Variants in TCN1 observed in about 807,000 individuals in gnomAD.
TCN1 encodes the protein transcobalamin 1.
In TCN1, 47 loss-of-function variants were observed where a neutral mutation model predicts 46.3. The observed-to-expected ratio is 1.01, with a 90% CI of 0.80 to 1.29. TCN1 has a LOEUF of 1.29. TCN1 is among the 50% of genes most tolerant of loss of function. The pLI is 0.00. For missense variants in TCN1, 532 were observed against 511.0 expected (o/e 1.04, Z -0.40); for synonymous variants, 183 against 192.5 (o/e 0.95, Z 0.41).
intron 1 of TCN1, 144 bp from the exon 2 acceptor site, chr11:59,864,230 T>C (rs1853048463): frequency 1.1e-6 from 1 of 939,478 alleles, no homozygotes; most frequent in South Asian, 1.4e-5. Context: ...GGTGGAATAA[T>C]ACAAAGGTGG....
intron 5 of TCN1, 27 bp from the exon 6 acceptor site, chr11:59,856,085 G>GGGGGGGGGGGGGGGGT: frequency 1.4e-5 from 8 of 585,330 alleles, no homozygotes; most frequent in Non-Finnish European, 1.6e-5. Context: ...GGGTGGGGGG[G>GGGGGGGGGGGGGGGGT]TGATGAGAGA....
rs188237300 is a variant in TCN1 at position 59,863,359 on chromosome 11, G to A, written c.259+548C>T. 1.0e-3 allele frequency among the ~76,000 whole-genome samples: 157 copies of A among 152,112 alleles called. 1 individual carries two copies. In the Middle Eastern group the frequency reaches 0.021, roughly 20 times the overall value. On this transcript the variant is annotated intron_variant, in intron 2 of 8. Transcript: ENST00000257264. ...GGGTTTTTTTTTCTTTGTGGTACCAGCTTGCTAGGATAGTAATTCTTGATT... is the reference window on the plus strand; with the variant it reads ...GGGTTTTTTTTTCTTTGTGGTACCAACTTGCTAGGATAGTAATTCTTGATT...
chr11:59,855,746 C>G (rs1852923777), intron 6 of TCN1, 123 bp downstream of exon 6: 1 of 1,087,710 alleles, frequency 9.2e-7, no homozygotes, highest in Non-Finnish European at 1.4e-6. Context: ...TGAATTCTCT[C>G]TGGCAACTGT....
chr11:59,866,275 C>T, intron 1 of TCN1, 117 bp downstream of exon 1: 1 of 1,036,690 alleles, frequency 9.6e-7, no homozygotes, highest in Non-Finnish European at 1.5e-6. Flanking sequence ...TCATGGAGTC[C>T]AACCACATAC....
chr11:59,863,308 G>GA (rs1230297366), intron 2 of TCN1, among the ~76,000 whole-genome samples: 2 of 151,846 alleles, frequency 1.3e-5, no homozygotes, highest in African/African-American at 4.8e-5. Flanking sequence ...TGAAAAAGAG[G>GA]AAAAATAGAT....
intron 2 of TCN1, 114 bp downstream of exon 2, chr11:59,863,793 T>C (rs1199248457): frequency 8.4e-7 from 1 of 1,189,294 alleles, no homozygotes; most frequent in Non-Finnish European, 1.2e-6. Flanking sequence ...TTTGGTACCA[T>C]TAGAAGGGAT....
chr11:59,853,814 C>T (rs1437299619), intron 7 of TCN1, among the ~76,000 whole-genome samples: 1 of 152,072 alleles, frequency 6.6e-6, no homozygotes, highest in African/African-American at 2.4e-5. Context: ...GTTTTATATT[C>T]CGTAGTCATT....
rs1189698486 is a variant in TCN1, at chr11:59,861,654, G to A, written c.429C>T (p.Asn143=). 3.7e-6 allele frequency: 6 copies of A among 1,614,154 alleles called. No homozygotes were observed. The Middle Eastern group carries it at 5.0e-4, about 133-fold the overall frequency. The change falls in exon 4 of 9, where the codon AAC becomes AAT. Residue 143 remains asparagine (N), a synonymous_variant. Transcript: ENST00000257264. ...AAACGTCCAGGCTGAGCTGGTAGTA[G>A]TTAGTCAGGGGAGTGCCATTGTGTG... ...MEAHNGTPLT[N]YYQLSLDVLA... is the part of the protein sequence containing the mutation.
rs1419984590 is a variant in TCN1 at position 59,859,066 on chromosome 11, C to T, written c.747+11G>A. On this transcript the variant is annotated intron_variant, in intron 5 of 8. Transcript: ENST00000257264. ...TCCCTTCTCTGCCTCCTGTTTCACCCTCTGACTTACCTGCATGGCTTCTCC... is the reference window on the plus strand; with the variant it reads ...TCCCTTCTCTGCCTCCTGTTTCACCTTCTGACTTACCTGCATGGCTTCTCC... The T allele has an allele frequency of 6.2e-7, 1 of 1,611,328 alleles. No individual in the cohort carries two copies. The highest frequency in any genetic ancestry group is 1.1e-5 in the South Asian group (1 of 91,060).
At chr11:59,858,665 A>C (rs1852976577) in intron 5 of TCN1, among the ~76,000 whole-genome samples, 2 of 152,186 alleles carry the variant, frequency 1.3e-5, no homozygotes. Context: ...TTAGGAGGCC[A>C]ATAAGAAAGG....
At chr11:59,855,734 A>G in intron 6 of TCN1, 135 bp downstream of exon 6, 2 of 978,082 alleles carry the variant, frequency 2.0e-6, no homozygotes, top group East Asian at 5.0e-5. Context: ...CATGAGGAAA[A>G]CTGAATTCTC....
intron 1 of TCN1, 68 bp downstream of exon 1, chr11:59,866,324 A>C: frequency 1.3e-6 from 2 of 1,488,264 alleles, no homozygotes; most frequent in Non-Finnish European, 1.9e-6. Context: ...AACTCTACAT[A>C]GAGTCTCTTG....
chr11:59,866,283 T>C, intron 1 of TCN1, 109 bp downstream of exon 1: 1 of 1,145,412 alleles, frequency 8.7e-7, no homozygotes. Context: ...TCCAACCACA[T>C]ACGAAACTGG....
intron 5 of TCN1, among the ~76,000 whole-genome samples, chr11:59,858,466 GA>G (rs755500480): frequency 4.5e-4 from 68 of 152,312 alleles, no homozygotes; most frequent in Non-Finnish European, 6.8e-4. Flanking sequence ...ACGTGTGATA[GA>G]ACAAGAAAGC....
Position 59,853,289 on chromosome 11 carries a change from T to A in TCN1, c.1154A>T (p.Tyr385Phe). 1 of 1,614,104 alleles carries A rather than the reference T, an allele frequency of 6.2e-7. No homozygotes were observed. Among genetic ancestry groups the A allele is most frequent in the South Asian group, 1.1e-5 (1 of 91,074 alleles). The change falls in exon 8 of 9, where the codon TAT (tyrosine) becomes TTT (phenylalanine). Residue 385 changes from tyrosine to phenylalanine, a missense_variant. Coordinates refer to ENST00000257264, the MANE Select transcript of TCN1 (RefSeq NM_001062.4). ...ACATAGGCCCTGAATACAGGTGATA[T>A]AGGGCCCCCATGAGCGCTCCTCCAT... The part of the protein sequence containing the change: ...FTMEERSWGP[Y>F]ITCIQGLCAN...
chr11:59,866,119 G>A (rs1853071514), intron 1 of TCN1, among the ~76,000 whole-genome samples: 1 of 152,110 alleles, frequency 6.6e-6, no homozygotes, highest in South Asian at 2.1e-4. Flanking sequence ...ACATGAATAG[G>A]GAGTTACTTG....
intron 5 of TCN1, among the ~76,000 whole-genome samples, chr11:59,857,657 T>G (rs559101450): frequency 1.2e-4 from 18 of 151,294 alleles, no homozygotes; most frequent in Non-Finnish European, 1.9e-4. Flanking sequence ...GCAGTAAAGT[T>G]TTTTTTTTTT....
chr11:59,863,281 T>C (rs746418066), intron 2 of TCN1, among the ~76,000 whole-genome samples: 29 of 151,426 alleles, frequency 1.9e-4, no homozygotes, highest in African/African-American at 6.1e-4. Context: ...TTTGGAATCA[T>C]ACAATCCTTA....
At chr11:59,856,701 T>C (rs773374230) in intron 5 of TCN1, among the ~76,000 whole-genome samples, 20 of 152,118 alleles carry the variant, frequency 1.3e-4, no homozygotes, top group Non-Finnish European at 2.4e-4. Context: ...TGGGGAACAT[T>C]GGAGGCAACT....
Sources: allele counts gnomAD v4.1 joint callset (sites outside exome capture counted in the v4.1 genomes callset), GRCh38; gene constraint gnomAD v4.1.1; transcripts MANE v1.5; gene names NCBI Gene and HGNC (gene_info 2026-07-23, HGNC 2026-07-21).